Variants in IARS1 observed in about 807,000 individuals in gnomAD.
IARS1 encodes isoleucyl-tRNA synthetase 1.
In IARS1, 124 loss-of-function variants were observed where a neutral mutation model predicts 168.2. The ratio of observed to expected loss-of-function variants is 0.74; its 90% CI spans 0.64 to 0.86. IARS1 has a LOEUF of 0.86. IARS1 is among the 40% of genes least tolerant of loss of function. The pLI is 0.00. For synonymous variants in IARS1, 532 were observed against 529.4 expected (o/e 1.00, Z -0.07); for missense variants, 1,452 against 1,515.8 (o/e 0.96, Z 0.70).
At chr9:92,239,433 G>A (rs1325091730) in intron 30 of IARS1, among the ~76,000 whole-genome samples, 1 of 152,168 alleles carries the variant, frequency 6.6e-6, no homozygotes, top group Non-Finnish European at 1.5e-5. Flanking sequence ...TCCCCTGTAA[G>A]TTAGGTGTTA....
At chr9:92,217,973 AAAG>A (rs1285256845) in intron 33 of IARS1, among the ~76,000 whole-genome samples, 1 of 152,114 alleles carries the variant, frequency 6.6e-6, no homozygotes, top group East Asian at 1.9e-4. Context: ...CACAACCAAA[AAAG>A]AGAATTTTAG....
intron 30 of IARS1, among the ~76,000 whole-genome samples, chr9:92,237,452 T>C (rs183125279): frequency 3.9e-5 from 6 of 152,344 alleles, no homozygotes; most frequent in African/African-American, 1.2e-4. Context: ...CAGGTTATAA[T>C]GTATCTCAGC....
chr9:92,284,822 G>T (rs1426186828), intron 6 of IARS1, among the ~76,000 whole-genome samples: 2 of 152,024 alleles, frequency 1.3e-5, no homozygotes, highest in African/African-American at 2.4e-5. Context: ...ATTTGACAAA[G>T]GTAAGCCTTG....
intron 31 of IARS1, among the ~76,000 whole-genome samples, chr9:92,227,428 C>T (rs1411900292): frequency 4.9e-5 from 7 of 142,648 alleles, no homozygotes; most frequent in South Asian, 2.3e-4. Flanking sequence ...GCTGGCCGGG[C>T]GGGGGGCTGA....
At chr9:92,284,955 T>C (rs1480579060) in intron 6 of IARS1, among the ~76,000 whole-genome samples, 1 of 152,162 alleles carries the variant, frequency 6.6e-6, no homozygotes, top group Non-Finnish European at 1.5e-5. Context: ...ATACCTGCCT[T>C]ACAAGGATTT....
At chr9:92,275,812 A>G (rs892860266) in intron 9 of IARS1, among the ~76,000 whole-genome samples, 3 of 152,264 alleles carry the variant, frequency 2.0e-5, no homozygotes, top group Admixed American at 6.5e-5. Context: ...TTCAGTGAAC[A>G]TCAGATGATT....
At chr9:92,255,839 A>G (rs1233333086) in intron 20 of IARS1, among the ~76,000 whole-genome samples, 5 of 152,206 alleles carry the variant, frequency 3.3e-5, no homozygotes, top group African/African-American at 9.7e-5. Flanking sequence ...TTCAGTCAAC[A>G]ATAATTTCTT....
chr9:92,261,643 A>G (rs147474357), intron 17 of IARS1, among the ~76,000 whole-genome samples: 75 of 152,344 alleles, frequency 4.9e-4, no homozygotes, highest in Admixed American at 2.4e-3. Flanking sequence ...TGTGATATAT[A>G]CTGTAGTTTT....
chr9:92,212,082 T>C (rs1485363233), intron 33 of IARS1, among the ~76,000 whole-genome samples: 1 of 152,214 alleles, frequency 6.6e-6, no homozygotes, highest in Non-Finnish European at 1.5e-5. Flanking sequence ...AAAATAGCTC[T>C]TGTCCTACCT....
intron 22 of IARS1, 147 bp from the exon 23 acceptor site, chr9:92,250,981 A>G: frequency 1.2e-6 from 1 of 805,872 alleles, no homozygotes; most frequent in East Asian, 2.7e-5. Flanking sequence ...TGCCCTGTGA[A>G]TGAGAAATGG....
chr9:92,252,494 C>T (rs926580273), intron 21 of IARS1: 14 of 457,148 alleles, frequency 3.1e-5, no homozygotes, highest in South Asian at 1.2e-4. Context: ...TGGCCAGGCA[C>T]GGTGGTTCAC....
rs77245714 is a variant in IARS1, at chr9:92,247,427, G to A, written c.2741C>T (p.Thr914Met). The A allele has an allele frequency of 3.3e-4, 527 of 1,614,102 alleles. 1 individual carries two copies. The African/African-American group carries it at 6.2e-3, about 19-fold the overall frequency. ...RLKGAFKAVMTSIKQLSSEEL... is the reference protein window; with the variant it reads ...RLKGAFKAVMMSIKQLSSEEL... ...CTCACTGCTCAACTGCTTGATGGAC[G>A]TCATCACTGCCTTAAAGGCTCCCTT... Residue 914 changes from threonine (T) to methionine (M), a missense_variant, in exon 26 of 34, where the codon ACG becomes ATG. By Grantham distance (81) the Thr-to-Met change is moderately conservative. Coordinates refer to ENST00000443024, the MANE Select transcript of IARS1 (RefSeq NM_002161.6).
At chr9:92,220,323 C>T (rs865906433) in intron 33 of IARS1, among the ~76,000 whole-genome samples, 1,921 of 142,156 alleles carry the variant, frequency 0.014, 38 homozygotes, top group African/African-American at 0.048. Flanking sequence ...TGCTAGATGA[C>T]GAGTTAGTGG....
At chr9:92,238,783 A>G (rs1827940918) in intron 30 of IARS1, among the ~76,000 whole-genome samples, 1 of 152,164 alleles carries the variant, frequency 6.6e-6, no homozygotes, top group Non-Finnish European at 1.5e-5. Context: ...CCTAAGGTCC[A>G]CTGGTGTCAA....
chr9:92,273,545 A>G (rs1833387302), intron 10 of IARS1, among the ~76,000 whole-genome samples: 1 of 152,242 alleles, frequency 6.6e-6, no homozygotes, highest in Non-Finnish European at 1.5e-5. Flanking sequence ...GATGATGTGA[A>G]AAAAAGAATC....
At chr9:92,287,087 G>A (rs781765289) in intron 4 of IARS1, among the ~76,000 whole-genome samples, 21 of 152,170 alleles carry the variant, frequency 1.4e-4, no homozygotes, top group Non-Finnish European at 2.6e-4. Context: ...TGACATAGCC[G>A]CAACACATGC....
chr9:92,227,741 G>A (rs1016527508), intron 31 of IARS1, among the ~76,000 whole-genome samples: 14 of 151,176 alleles, frequency 9.3e-5, no homozygotes, highest in Non-Finnish European at 1.8e-4. Context: ...GACGATGGGC[G>A]GCCGGGCAGA....
At position 92,287,939 on chromosome 9, in the gene IARS1, C is replaced by T. The variant is rs549806192; in HGVS notation, c.277-29G>A. 43 of 1,611,614 alleles carry T rather than the reference C, an allele frequency of 2.7e-5. No individual in the cohort carries two copies. The South Asian group carries it at 3.0e-4, about 11-fold the overall frequency. On this transcript the variant is annotated intron_variant, in intron 3 of 33. Transcript: ENST00000443024. ...AAAATTTGTGATAAGACTGTTACCACGCTGCCCTATGAAAACAACTGCAAC... is the reference window on the plus strand; with the variant it reads ...AAAATTTGTGATAAGACTGTTACCATGCTGCCCTATGAAAACAACTGCAAC...
At position 92,229,358 on chromosome 9, in the gene IARS1, TACACACACACAC is replaced by T. The variant is rs113517739; in HGVS notation, c.3284-244_3284-233del. On this transcript the variant is annotated intron_variant, in intron 30 of 33. Coordinates refer to ENST00000443024, the MANE Select transcript of IARS1 (RefSeq NM_002161.6). ...TATAGTGTATATGCAATATATACACTACACACACACACACACACACACACACACACATCTCCA... is the reference window on the plus strand; with the variant it reads ...TATAGTGTATATGCAATATATACACTACACACACACACACACACATCTCCA... Among the ~76,000 whole-genome samples the T allele has an allele frequency of 5.5e-5, 8 of 144,910 alleles. No homozygotes were observed. The East Asian group carries it at 8.1e-4, about 15-fold the overall frequency.
Sources: allele counts gnomAD v4.1 joint callset (sites outside exome capture counted in the v4.1 genomes callset), GRCh38; gene constraint gnomAD v4.1.1; transcripts MANE v1.5; gene names NCBI Gene and HGNC (gene_info 2026-07-23, HGNC 2026-07-21).